The following FUOM variants were observed in gnomAD, a reference collection of about 807,000 sequenced individuals.
FUOM encodes the protein fucose mutarotase, also known as protein fucU homolog.
FUOM carries 19 observed loss-of-function variants against 18.3 expected under a neutral mutation model. That is an observed-to-expected ratio of 1.04 (90% CI 0.73 to 1.53). The LOEUF is 1.53. Among genes scored for constraint, FUOM ranks in the 40% most tolerant of loss-of-function variants. FUOM has a pLI of 0.00. For missense variants in FUOM, 210 were observed against 200.9 expected, an observed-to-expected ratio of 1.04 and a Z score of -0.27; for synonymous variants, 102 against 87.9, an observed-to-expected ratio of 1.16 and a Z score of -0.90.
chr10:133,354,353 T>G (rs75547337), downstream of FUOM, among the ~76,000 whole-genome samples: 465 of 152,254 alleles, frequency 3.1e-3, 4 homozygotes, highest in African/African-American at 0.01. Flanking sequence ...TTCCCCAGAT[T>G]TGGAGCCACA....
chr10:133,357,153 C>A (rs142568066), intron 2 of FUOM, 34 bp downstream of exon 2: 21 of 1,551,484 alleles, frequency 1.4e-5, no homozygotes, highest in Non-Finnish European at 1.6e-5. Flanking sequence ...GCTCACCCGC[C>A]CGCCCTGCCC....
intron 2 of FUOM, 31 bp from the exon 3 acceptor site, chr10:133,357,044 C>G (rs1161824882): frequency 1.3e-6 from 2 of 1,547,518 alleles, no homozygotes; most frequent in East Asian, 2.4e-5. Context: ...CACTCAGTCT[C>G]CAGCCCGCCC....
chr10:133,357,533 C>A, intron 1 of FUOM: 1 of 522,534 alleles, frequency 1.9e-6, no homozygotes, highest in South Asian at 2.3e-5. Flanking sequence ...GGGGCCGACC[C>A]GGACCCGGCC....
chr10:133,355,899 A>G, intron 4 of FUOM, 88 bp from the exon 5 acceptor site: 1 of 1,089,134 alleles, frequency 9.2e-7, no homozygotes, highest in Non-Finnish European at 1.4e-6. Flanking sequence ...CAAAGCAGGG[A>G]GGGCACCAGG....
intron 5 of FUOM, 78 bp downstream of exon 5, chr10:133,355,660 G>C (rs1848769059): frequency 3.8e-6 from 6 of 1,559,600 alleles, no homozygotes; most frequent in African/African-American, 1.4e-5. Flanking sequence ...GGCAGCTCCT[G>C]AGGCCCCCCG....
At chr10:133,353,006 A>G (rs1848708040), downstream of FUOM, among the ~76,000 whole-genome samples, 1 of 152,032 alleles carries the variant, frequency 6.6e-6, no homozygotes, top group African/African-American at 2.4e-5. Flanking sequence ...GTATACCGGG[A>G]TGGTGAGGGG....
Position 133,355,217 on chromosome 10 carries a change from A to T in FUOM, c.*153T>A. 2.7e-6 allele frequency: 2 copies of T among 736,006 alleles called. No homozygotes were observed. Among genetic ancestry groups the T allele is most frequent in the South Asian group, 3.8e-5 (2 of 53,210 alleles). The allele number at this position is 736,006 out of a possible 1,614,324, so 45.6% of individuals were successfully genotyped here. ...TTCACAAATCAGGGATACTCGTCCC[A>T]ATTGGCAGGGCCCACCCCAAGACTG... On this transcript the variant is annotated 3_prime_UTR_variant, in exon 6 of 6. Coordinates refer to ENST00000278025, the MANE Select transcript of FUOM (RefSeq NM_001098483.3).
At chr10:133,355,610 C>T (rs1450934082) in intron 5 of FUOM, 128 bp downstream of exon 5, 31 of 1,573,356 alleles carry the variant, frequency 2.0e-5, no homozygotes, top group African/African-American at 6.8e-5. Context: ...CTCTGTGGGA[C>T]GTCTAGCCTC....
At chr10:133,357,368 G>C in intron 1 of FUOM, 113 bp from the exon 2 acceptor site, 2 of 1,103,726 alleles carry the variant, frequency 1.8e-6, no homozygotes, top group Non-Finnish European at 2.7e-6. Context: ...AGAGGTCTCA[G>C]GTCAGCCAGT....
Position 133,356,670 on chromosome 10 carries a change from G to A in FUOM, c.294C>T (p.Tyr98=), listed in dbSNP as rs200225089. 8.1e-6 allele frequency: 13 copies of A among 1,599,206 alleles called. No homozygotes were observed. The highest frequency in any genetic ancestry group is 5.4e-5 in the African/African-American group (4 of 74,672). ...AGCCGGCCCTGCGTAGGATGGACTCGTACTCCGTCCACACTGGGGTCTGCA... is the reference window on the plus strand; with the variant it reads ...AGCCGGCCCTGCGTAGGATGGACTCATACTCCGTCCACACTGGGGTCTGCA... The part of the protein sequence containing the change: ...RGLQTPVWTE[Y]ESILRRAGCV... Residue 98 remains tyrosine (Y), a synonymous_variant, in exon 4 of 6, where the codon TAC becomes TAT. Transcript: ENST00000278025.
chr10:133,357,291 A>T, intron 1 of FUOM, 36 bp from the exon 2 acceptor site: 1 of 1,551,084 alleles, frequency 6.4e-7, no homozygotes, highest in Non-Finnish European at 8.7e-7. Context: ...GTCGGCACCT[A>T]TCCCTGCCCT....
rs761944644 is a variant in FUOM at position 133,356,975 on chromosome 10, G to A, written c.193C>T (p.Leu65=). The change falls in exon 3 of 6, where the codon CTG becomes TTG. Residue 65 remains leucine, a synonymous_variant. Coordinates refer to ENST00000278025, the MANE Select transcript of FUOM (RefSeq NM_001098483.3). ...TCCACATAGGTGTCCAGGGGCAGCA[G>A]CTTCAGCACGGCCTCCAGGAGCTGC... ...IPQLLEAVLK[L]LPLDTYVESP... is the part of the protein sequence containing the mutation. The A allele has an allele frequency of 6.5e-6, 10 of 1,550,280 alleles. No homozygotes were observed. The highest frequency in any genetic ancestry group is 7.0e-6 in the Non-Finnish European group (8 of 1,146,964).
intron 3 of FUOM, 55 bp from the exon 4 acceptor site, chr10:133,356,793 G>A: frequency 2.7e-6 from 4 of 1,471,986 alleles, no homozygotes; most frequent in East Asian, 2.4e-5. Context: ...TCCTGGTCAG[G>A]TGACCATTCG....
chr10:133,357,391 C>A, intron 1 of FUOM, 136 bp from the exon 2 acceptor site: 1 of 840,556 alleles, frequency 1.2e-6, no homozygotes. Context: ...GGCGCCCCCA[C>A]CGCCGACCGG....
chr10:133,356,675 C>T lies in FUOM; in HGVS notation c.289G>A (p.Glu97Lys), dbSNP rs766135585. ...GCCCTGCGTAGGATGGACTCGTACT[C>T]CGTCCACACTGGGGTCTGCAGGCCC... ...ERGLQTPVWT[E>K]YESILRRAGC... Residue 97 changes from glutamate to lysine, a missense_variant, in exon 4 of 6, where the codon GAG (glutamate) becomes AAG (lysine). By Grantham distance (56) the Glu-to-Lys change is moderately conservative. Coordinates refer to ENST00000278025, the MANE Select transcript of FUOM (RefSeq NM_001098483.3). 5 of 1,600,728 alleles carry T rather than the reference C, an allele frequency of 3.1e-6. No homozygotes were observed. The African/African-American group carries it at 4.0e-5, about 13-fold the overall frequency.
intron 5 of FUOM, 109 bp from the exon 6 acceptor site, chr10:133,355,545 G>A: frequency 6.2e-7 from 1 of 1,610,042 alleles, no homozygotes. Context: ...TCACCCACTT[G>A]ATGCTCAGGC....
downstream of FUOM, among the ~76,000 whole-genome samples, chr10:133,353,825 G>A (rs376282818): frequency 6.6e-6 from 1 of 152,132 alleles, no homozygotes; most frequent in East Asian, 1.9e-4. Flanking sequence ...GGGTAGGAGG[G>A]CATTGAGGGA....
At position 133,355,808 on chromosome 10, in the gene FUOM, C is replaced by T. The variant is rs1324998290; in HGVS notation, c.328G>A (p.Ala110Thr). ...SILRRAGCVR[A>T]LAKIERFEFY... is the part of the protein sequence containing the mutation. The stretch of plus-strand genomic sequence containing the variant: ...TCAAACCTCTCTATCTTTGCCAGGG[C>T]TCTCTGGAAGACAAAATGGCAGGGT... Residue 110 changes from alanine (A) to threonine (T), a missense_variant, in exon 5 of 6, where the codon GCC (alanine) becomes ACC (threonine). By Grantham distance (58) the Ala-to-Thr change is moderately conservative. Coordinates refer to ENST00000278025, the MANE Select transcript of FUOM (RefSeq NM_001098483.3). The T allele has an allele frequency of 6.2e-7, 1 of 1,612,794 alleles. No individual in the cohort carries two copies. Among genetic ancestry groups the T allele is most frequent in the Admixed American group, 1.7e-5 (1 of 60,030 alleles).
chr10:133,355,386 A>T lies in FUOM; in HGVS notation c.449T>A (p.Leu150His). Residue 150 changes from leucine to histidine, a missense_variant, in exon 6 of 6, where the codon CTC becomes CAC. Coordinates refer to ENST00000278025, the MANE Select transcript of FUOM (RefSeq NM_001098483.3). ...NLILRKGVLALNPLL is the reference protein window; with the variant it reads ...NLILRKGVLAHNPLL ...TCACCAGGCCTACAGCAGGGGGTTG[A>T]GGGCAAGCACCCCCTTCCTGAGGAT... 6.2e-7 allele frequency: 1 copy of T among 1,607,514 alleles called. No individual in the cohort carries two copies. The highest frequency in any genetic ancestry group is 8.5e-7 in the Non-Finnish European group (1 of 1,178,750).
Sources: gnomAD v4.1 joint callset for allele counts (sites outside exome capture counted in the v4.1 genomes callset) on GRCh38, gnomAD v4.1.1 for gene constraint, MANE v1.5 for transcripts, NCBI Gene and HGNC (gene_info 2026-07-23, HGNC 2026-07-21) for gene names.